The following DAPK2 variants were observed in gnomAD, a reference collection of about 807,000 sequenced individuals.
DAPK2 encodes death associated protein kinase 2, also known as death-associated protein kinase 2.
DAPK2 carries 35 observed loss-of-function variants against 44.1 expected under a neutral mutation model. The observed-to-expected ratio is 0.79, with a 90% CI of 0.61 to 1.05. The LOEUF (loss-of-function observed/expected upper bound fraction) is 1.05. Ranked by LOEUF, DAPK2 falls within the 50% of genes least tolerant of loss-of-function variation. DAPK2 has a pLI of 0.00. For synonymous variants in DAPK2, 174 were observed against 182.6 expected (o/e 0.95, Z 0.38); for missense variants, 453 against 483.2 (o/e 0.94, Z 0.59).
chr15:63,971,357 G>T (rs886973761), intron 3 of DAPK2, 66 bp downstream of exon 4: 8 of 1,572,384 alleles, frequency 5.1e-6, no homozygotes, highest in African/African-American at 1.4e-5. Context: ...TCCTGGGAAA[G>T]ACACCAGGAG....
Position 63,912,538 on chromosome 15 carries a change from C to T in DAPK2, c.859-341G>A, listed in dbSNP as rs1026562251. On this transcript the variant is annotated intron_variant, in intron 8 of 10. Coordinates refer to ENST00000261891, the Ensembl canonical transcript of DAPK2. The surrounding 1 kb of genome is among the most constrained non-coding windows in gnomAD (Gnocchi z 4.4). ...TCATTTTACAGCAGTCTGGGATGCCCTCTGGGCACTGGGGTGATTCTGGGC... is the reference window on the plus strand; with the variant it reads ...TCATTTTACAGCAGTCTGGGATGCCTTCTGGGCACTGGGGTGATTCTGGGC... Among the ~76,000 whole-genome samples the T allele has an allele frequency of 3.9e-5, 6 of 152,330 alleles. No homozygotes were observed. Among genetic ancestry groups the T allele is most frequent in the Non-Finnish European group, 8.8e-5 (6 of 68,028 alleles).
intron 1 of DAPK2, among the ~76,000 whole-genome samples, chr15:63,992,781 A>G (rs1022650195): frequency 3.3e-5 from 5 of 152,276 alleles, no homozygotes; most frequent in Non-Finnish European, 7.4e-5. Context: ...TGGGTCAGGC[A>G]CCCTTCCCAC....
At chr15:63,919,513 G>T (rs942178610) in intron 8 of DAPK2, 15 of 152,028 alleles carry the variant, frequency 9.9e-5, no homozygotes, top group African/African-American at 3.6e-4. Context: ...GTCTCACTCT[G>T]TCACCCAGGC....
rs2078048891 is a variant in DAPK2 at position 63,966,147 on chromosome 15, GA to G, written c.453+5275del. Among the ~76,000 whole-genome samples the G allele has an allele frequency of 6.6e-6, 1 of 152,206 alleles. No individual in the cohort carries two copies. Among genetic ancestry groups the G allele is most frequent in the Non-Finnish European group, 1.5e-5 (1 of 68,042 alleles). Reference sequence around the variant, plus strand: ...AGGGCCTCTGTAGTCAGCAGGTGATGAATCCTGCCAGGACTGGGTCCTTCCC... The same window carrying G: ...AGGGCCTCTGTAGTCAGCAGGTGATGATCCTGCCAGGACTGGGTCCTTCCC... On this transcript the variant is annotated intron_variant, in intron 3 of 10. Transcript: ENST00000261891. This position sits in a 1 kb window ranked among gnomAD's most constrained non-coding sequence, Gnocchi z 5.5.
At chr15:64,002,129 C>A (rs897426226) in intron 1 of DAPK2, among the ~76,000 whole-genome samples, 1 of 152,230 alleles carries the variant, frequency 6.6e-6, no homozygotes, top group Non-Finnish European at 1.5e-5. Flanking sequence ...ACTCCTACTG[C>A]AGAAGAGCCA....
intron 8 of DAPK2, among the ~76,000 whole-genome samples, chr15:63,915,779 G>C (rs997640657): frequency 2.0e-5 from 3 of 152,218 alleles, no homozygotes; most frequent in Admixed American, 6.5e-5. Context: ...CTATCATTCT[G>C]TCAGGCTGGC....
chr15:64,002,163 G>T (rs2079101710), intron 1 of DAPK2, among the ~76,000 whole-genome samples: 1 of 152,174 alleles, frequency 6.6e-6, no homozygotes, highest in Non-Finnish European at 1.5e-5. Flanking sequence ...GGGGAGAGTG[G>T]CACAGTCAAC....
chr15:64,038,794 A>C (rs1183712568), intron 1 of DAPK2, among the ~76,000 whole-genome samples: 1 of 152,236 alleles, frequency 6.6e-6, no homozygotes, highest in Admixed American at 6.5e-5. Flanking sequence ...AAGAAAATAA[A>C]TCTTGGGGCC....
At chr15:64,027,308 T>C (rs2079876475) in intron 1 of DAPK2, among the ~76,000 whole-genome samples, 1 of 151,872 alleles carries the variant, frequency 6.6e-6, no homozygotes, top group Non-Finnish European at 1.5e-5. Context: ...CACTTGAACC[T>C]GGGAGGTGGA....
intron 4 of DAPK2, among the ~76,000 whole-genome samples, chr15:63,936,979 CA>C (rs56052031): frequency 0.068 from 8,800 of 129,528 alleles, 289 homozygotes; most frequent in African/African-American, 0.12. Context: ...GACCCTGTCT[CA>C]AAAAAAAAAA....
At position 63,925,678 on chromosome 15, in the gene DAPK2, G is replaced by GCGCGCGCACACACA. The variant is rs1352051474; in HGVS notation, c.812+262_812+263insTGTGTGTGCGCGCG. ...AAAGAAACCCAGGCTGACTTGTAGC[G>GCGCGCGCACACACA]CACACACACACACACACACACACAC... is the stretch of plus-strand genomic sequence containing the variant. On this transcript the variant is annotated intron_variant, in intron 7 of 10. Coordinates refer to ENST00000261891, the Ensembl canonical transcript of DAPK2. Among the ~76,000 whole-genome samples, 4 of 138,544 alleles carry GCGCGCGCACACACA rather than the reference G, an allele frequency of 2.9e-5. No individual in the cohort carries two copies. In the South Asian group the frequency reaches 9.4e-4, roughly 32 times the overall value. 90.9% of individuals were successfully genotyped at this position (138,544 alleles called of 152,430 possible).
intron 4 of DAPK2, among the ~76,000 whole-genome samples, chr15:63,933,761 G>A (rs1009824205): frequency 6.6e-6 from 1 of 151,512 alleles, no homozygotes; most frequent in African/African-American, 2.4e-5. Flanking sequence ...ACTATACCAG[G>A]TAATTTTTAA....
At chr15:63,963,508 A>G (rs777178451) in intron 3 of DAPK2, among the ~76,000 whole-genome samples, 5 of 152,060 alleles carry the variant, frequency 3.3e-5, no homozygotes, top group East Asian at 1.9e-4. Flanking sequence ...CAGCCAATCT[A>G]TGTCTTTTGA....
intron 8 of DAPK2, chr15:63,918,876 A>C (rs2078998876): frequency 1.3e-5 from 2 of 152,234 alleles, no homozygotes; most frequent in Non-Finnish European, 2.9e-5. Context: ...CAATTTGGTG[A>C]ATTAAAAATC....
chr15:63,989,448 C>A (rs1041684866), intron 1 of DAPK2, among the ~76,000 whole-genome samples: 1 of 152,134 alleles, frequency 6.6e-6, no homozygotes, highest in Non-Finnish European at 1.5e-5. Context: ...GGCCAGGGAA[C>A]AGGGCTAGGA....
rs1047247836 is a variant in DAPK2, at chr15:63,990,143, C to T, written c.93-6389G>A. ...ACTACCAGGGCCAAGCTGCTAAAGGCTTTGAAAGATCTATGGGCTGGGTGT... is the reference window on the plus strand; with the variant it reads ...ACTACCAGGGCCAAGCTGCTAAAGGTTTTGAAAGATCTATGGGCTGGGTGT... On this transcript the variant is annotated intron_variant, in intron 1 of 10. Transcript: ENST00000261891. This position sits in a 1 kb window ranked among gnomAD's most constrained non-coding sequence, Gnocchi z 4.3. Among the ~76,000 whole-genome samples the T allele has an allele frequency of 2.0e-5, 3 of 152,134 alleles. No homozygotes were observed. Among genetic ancestry groups the T allele is most frequent in the African/African-American group, 7.2e-5 (3 of 41,422 alleles).
intron 1 of DAPK2, among the ~76,000 whole-genome samples, chr15:63,989,307 T>C (rs1032602755): frequency 3.3e-5 from 5 of 151,832 alleles, no homozygotes; most frequent in African/African-American, 4.8e-5. Flanking sequence ...CAGTGAGCTA[T>C]GATCATACCA....
chr15:64,027,558 T>C (rs898054348), intron 1 of DAPK2, among the ~76,000 whole-genome samples: 4 of 151,798 alleles, frequency 2.6e-5, no homozygotes, highest in Non-Finnish European at 4.4e-5. Context: ...CAAGACCCTG[T>C]CTCAAAAAAA....
chr15:64,032,677 G>A (rs768606345), intron 1 of DAPK2, among the ~76,000 whole-genome samples: 22 of 152,314 alleles, frequency 1.4e-4, no homozygotes, highest in African/African-American at 3.6e-4. Flanking sequence ...ATAGCCAGGC[G>A]TGGTGGTTTA....
Sources: gnomAD v4.1 joint callset for allele counts (sites outside exome capture counted in the v4.1 genomes callset) on GRCh38, gnomAD v4.1.1 for gene constraint, Gnocchi (gnomAD v3.1) non-coding constraint, MANE v1.5 for transcripts, NCBI Gene and HGNC (gene_info 2026-07-23, HGNC 2026-07-21) for gene names.